The following TMC7 variants were observed in gnomAD, a reference collection of about 807,000 sequenced individuals.
TMC7 encodes the protein transmembrane channel like 7.
Under a neutral mutation model 82.9 loss-of-function variants are expected in TMC7, and 54 were observed. That is an observed-to-expected ratio of 0.65 (90% CI 0.52 to 0.82). TMC7 has a LOEUF of 0.82. Ranked by LOEUF, TMC7 falls within the 40% of genes least tolerant of loss-of-function variation. TMC7 has a pLI of 0.00. For synonymous variants in TMC7, 350 were observed against 337.9 expected (o/e 1.04, Z -0.39); for missense variants, 820 against 901.2 (o/e 0.91, Z 1.15).
At chr16:19,036,465 A>T (rs1000957184) in intron 7 of TMC7, among the ~76,000 whole-genome samples, 6 of 147,882 alleles carry the variant, frequency 4.1e-5, no homozygotes, top group Admixed American at 4.0e-4. Context: ...CCGAGGTTGC[A>T]CCACTGCATT....
At chr16:18,985,252 G>A (rs1209366391) in intron 1 of TMC7, among the ~76,000 whole-genome samples, 6 of 108,870 alleles carry the variant, frequency 5.5e-5, no homozygotes, top group Admixed American at 3.1e-4. Context: ...GACCAAGACT[G>A]TTTCAAAAAA....
chr16:19,004,645 G>A (rs763969905), intron 1 of TMC7, among the ~76,000 whole-genome samples: 5 of 152,070 alleles, frequency 3.3e-5, no homozygotes, highest in Admixed American at 6.6e-5. Context: ...GATTACAGGC[G>A]TGAGCCACCG....
rs959463905 is a variant in TMC7 at position 19,016,431 on chromosome 16, G to A, written c.312-19G>A. 6 of 1,613,672 alleles carry A rather than the reference G, an allele frequency of 3.7e-6. No homozygotes were observed. The highest frequency in any genetic ancestry group is 1.1e-5 in the South Asian group (1 of 91,022). On this transcript the variant is annotated intron_variant, in intron 2 of 15. Transcript: ENST00000304381. ...ATGCTGCTGTTGTTGTCATTGTCATGATCATGTTTTCCATGCAGGGACATT... is the reference window on the plus strand; with the variant it reads ...ATGCTGCTGTTGTTGTCATTGTCATAATCATGTTTTCCATGCAGGGACATT...
intron 1 of TMC7, among the ~76,000 whole-genome samples, chr16:18,997,561 G>A (rs1302776573): frequency 1.3e-5 from 2 of 151,546 alleles, no homozygotes; most frequent in African/African-American, 4.9e-5. Context: ...GTAGAGACAG[G>A]GTTTCGCCAT....
intron 1 of TMC7, among the ~76,000 whole-genome samples, chr16:18,990,829 G>A (rs1012138389): frequency 2.0e-5 from 3 of 152,162 alleles, no homozygotes; most frequent in African/African-American, 7.2e-5. Flanking sequence ...ACATTGATCA[G>A]TTAGGGTGGG....
At chr16:19,009,454 T>C in intron 2 of TMC7, 39 bp downstream of exon 2, 2 of 1,590,124 alleles carry the variant, frequency 1.3e-6, no homozygotes, top group Non-Finnish European at 8.6e-7. Context: ...ATTGTGTATG[T>C]TATGGCCCAG....
chr16:19,048,674 GCCT>G (rs1226045470), intron 12 of TMC7, among the ~76,000 whole-genome samples: 1 of 152,142 alleles, frequency 6.6e-6, no homozygotes, highest in Non-Finnish European at 1.5e-5. Flanking sequence ...GCCCGCCTCA[GCCT>G]CCCAAAGTGC....
At chr16:19,021,037 T>G (rs1029339897) in intron 3 of TMC7, among the ~76,000 whole-genome samples, 10 of 152,164 alleles carry the variant, frequency 6.6e-5, no homozygotes, top group Admixed American at 1.3e-4. Flanking sequence ...AATATGTCAC[T>G]TCTCCTCAAA....
rs1326047377 is a variant in TMC7, at chr16:19,037,994, T to A, written c.1126T>A (p.Cys376Ser). 1.6e-5 allele frequency: 26 copies of A among 1,614,012 alleles called. No individual in the cohort carries two copies. Among genetic ancestry groups the A allele is most frequent in the Non-Finnish European group, 2.0e-5 (24 of 1,180,018 alleles). Residue 376 changes from cysteine to serine, a missense_variant, in exon 8 of 16, where the codon TGC (cysteine) becomes AGC (serine). By Grantham distance (112) the Cys-to-Ser change is moderately radical (BLOSUM62 -1). Coordinates refer to ENST00000304381, the MANE Select transcript of TMC7 (RefSeq NM_024847.4). ...TATTGTTCTGGCTGTTTTAGGGGCA[T>A]GCTTTTATGCAATATACGTAGCAAC... Reference protein sequence around the residue: ...NCIVLAVLGACFYAIYVATVF... With the variant: ...NCIVLAVLGASFYAIYVATVF...
At chr16:19,022,276 G>A (rs1055216015) in intron 4 of TMC7, among the ~76,000 whole-genome samples, 1 of 152,166 alleles carries the variant, frequency 6.6e-6, no homozygotes, top group African/African-American at 2.4e-5. Flanking sequence ...GGTTTGGACT[G>A]AAAATGGCAA....
At chr16:19,044,164 G>A (rs761014236) in intron 9 of TMC7, among the ~76,000 whole-genome samples, 63 of 152,168 alleles carry the variant, frequency 4.1e-4, no homozygotes, top group East Asian at 9.7e-4. Flanking sequence ...CACCACGCCC[G>A]ACATTGGTTT....
chr16:19,043,639 T>G (rs927694521), intron 9 of TMC7, among the ~76,000 whole-genome samples: 1 of 152,104 alleles, frequency 6.6e-6, no homozygotes, highest in Non-Finnish European at 1.5e-5. Context: ...GGCGTGATCT[T>G]ATCTCACCGC....
chr16:19,038,700 A>C (rs1960871023), intron 8 of TMC7, among the ~76,000 whole-genome samples: 1 of 151,770 alleles, frequency 6.6e-6, no homozygotes, highest in Non-Finnish European at 1.5e-5. Context: ...TATTTTTAGC[A>C]GAGACGGGGG....
chr16:19,041,638 C>T (rs1961020633), intron 9 of TMC7, among the ~76,000 whole-genome samples: 1 of 152,186 alleles, frequency 6.6e-6, no homozygotes, highest in African/African-American at 2.4e-5. Flanking sequence ...TCCCAAAGTG[C>T]TGGGATTACA....
intron 1 of TMC7, among the ~76,000 whole-genome samples, chr16:18,984,943 G>A (rs4405537): frequency 1 from 151,947 of 152,334 alleles, 75,781 homozygotes; most frequent in Middle Eastern, 1. Context: ...CTCTTTTTCA[G>A]TTTTAGAATA....
intron 5 of TMC7, among the ~76,000 whole-genome samples, chr16:19,028,283 C>G (rs1284571046): frequency 1.3e-5 from 2 of 152,110 alleles, no homozygotes; most frequent in East Asian, 1.9e-4. Flanking sequence ...ACCTGTAATC[C>G]CAGCACTTTG....
At chr16:19,055,633 C>A (rs4782201) in intron 13 of TMC7, among the ~76,000 whole-genome samples, 137,371 of 152,280 alleles carry the variant, frequency 0.9, 62,812 homozygotes, top group Non-Finnish European at 0.97. Flanking sequence ...GCTGGGATTA[C>A]AGATTTGTTT....
rs2038828759 is a variant in TMC7, at chr16:18,985,437, A to G, written c.67+1307A>G. Among the ~76,000 whole-genome samples, 7 of 152,272 alleles carry G rather than the reference A, an allele frequency of 4.6e-5. No individual in the cohort carries two copies. In the South Asian group the frequency reaches 1.4e-3, roughly 32 times the overall value. ...AATTATTTTCTAGCTCAATATTAATACTGCTTATGTCAGCTGAATTTCAGC... is the reference window on the plus strand; with the variant it reads ...AATTATTTTCTAGCTCAATATTAATGCTGCTTATGTCAGCTGAATTTCAGC... On this transcript the variant is annotated intron_variant, in intron 1 of 15. Coordinates refer to ENST00000304381, the MANE Select transcript of TMC7 (RefSeq NM_024847.4).
Position 19,021,694 on chromosome 16 carries a change from G to A in TMC7, c.526G>A (p.Val176Met), listed in dbSNP as rs775401914. Residue 176 changes from valine (V) to methionine (M), a missense_variant, in exon 4 of 16, where the codon GTG (valine) becomes ATG (methionine). By Grantham distance (21) the Val-to-Met change is conservative. Transcript: ENST00000304381. The stretch of plus-strand genomic sequence containing the variant: ...GAGATTCCTGGTGTTGCTGAATTTG[G>A]TGATATTTCTGATCATCTTTATGCT... ...FLRFLVLLNLVIFLIIFMLVL... is the reference protein window; with the variant it reads ...FLRFLVLLNLMIFLIIFMLVL... 46 of 1,613,920 alleles carry A rather than the reference G, an allele frequency of 2.9e-5. 1 individual carries two copies. Among genetic ancestry groups the A allele is most frequent in the Middle Eastern group, 3.3e-4 (2 of 6,084 alleles).
Sources: allele counts gnomAD v4.1 joint callset (sites outside exome capture counted in the v4.1 genomes callset), GRCh38; gene constraint gnomAD v4.1.1; transcripts MANE v1.5; gene names NCBI Gene and HGNC (gene_info 2026-07-23, HGNC 2026-07-21).